The following TENM2 variants were observed in gnomAD, a reference collection of about 807,000 sequenced individuals.
TENM2 encodes teneurin-2.
Under a neutral mutation model 245.2 loss-of-function variants are expected in TENM2, and 52 were observed. That is an observed-to-expected ratio of 0.21 (90% CI 0.17 to 0.27). The LOEUF (loss-of-function observed/expected upper bound fraction) is 0.27. Among genes scored for constraint, TENM2 ranks in the 10% least tolerant of loss-of-function variants. The pLI is 1.00. For synonymous variants in TENM2, 1,363 were observed against 1,438.9 expected (o/e 0.95, Z 1.19); for missense variants, 3,046 against 3,666.8 (o/e 0.83, Z 4.37).
chr5:168,011,147 G>T (rs1785189524), intron 5 of TENM2, among the ~76,000 whole-genome samples: 1 of 152,204 alleles, frequency 6.6e-6, no homozygotes, highest in African/African-American at 2.4e-5. Context: ...TAATGAGGTG[G>T]TCAGGGTCCT....
chr5:167,839,461 T>C (rs1436100324), intron 2 of TENM2, among the ~76,000 whole-genome samples: 1 of 152,106 alleles, frequency 6.6e-6, no homozygotes, highest in Non-Finnish European at 1.5e-5. Context: ...ATCATAGCTT[T>C]TAGAAAAGAA....
intron 9 of TENM2, among the ~76,000 whole-genome samples, chr5:168,103,478 G>A (rs1374970528): frequency 2.0e-5 from 3 of 152,002 alleles, no homozygotes; most frequent in Non-Finnish European, 4.4e-5. Context: ...ACCAGTCTGT[G>A]ACAGTTCCTC....
chr5:167,766,076 G>A (rs1194650513), intron 2 of TENM2, among the ~76,000 whole-genome samples: 1 of 152,100 alleles, frequency 6.6e-6, no homozygotes, highest in African/African-American at 2.4e-5. Flanking sequence ...TATTATAACT[G>A]AATATTTATG....
At chr5:167,025,072 T>C in the TENM2 span, among the ~76,000 whole-genome samples, 3 of 152,180 alleles carry the variant, frequency 2.0e-5, no homozygotes, top group African/African-American at 4.8e-5. Context: ...ACAGGTGATG[T>C]TGAAAAACAT....
At chr5:168,144,008 C>A (rs1301278178) in intron 12 of TENM2, among the ~76,000 whole-genome samples, 1 of 104,702 alleles carries the variant, frequency 9.6e-6, no homozygotes, top group African/African-American at 4.0e-5. Context: ...CACCACCATG[C>A]CCAGCTAATT....
At chr5:168,229,526 T>TAATA (rs1764633744) in intron 25 of TENM2, 1 of 121,956 alleles carries the variant, frequency 8.2e-6, no homozygotes. Context: ...AAGTAAAAAC[T>TAATA]AATAAATAAA....
intron 17 of TENM2, among the ~76,000 whole-genome samples, chr5:168,202,656 G>T (rs1042554705): frequency 2.0e-5 from 3 of 151,684 alleles, no homozygotes; most frequent in Non-Finnish European, 4.4e-5. Flanking sequence ...GCTGGGGCTG[G>T]TCATTTGGCC....
intron 3 of TENM2, among the ~76,000 whole-genome samples, chr5:167,931,564 A>C (rs1778291871): frequency 6.6e-6 from 1 of 151,904 alleles, no homozygotes; most frequent in African/African-American, 2.4e-5. Flanking sequence ...AAAAAAAAAA[A>C]AAAAAAACAA....
intron 1 of TENM2, among the ~76,000 whole-genome samples, chr5:167,364,369 C>T (rs1408408740): frequency 2.0e-5 from 3 of 151,872 alleles, no homozygotes; most frequent in Non-Finnish European, 4.4e-5. Context: ...TATTAACTGA[C>T]AACAATTAGG....
rs1352690157 is a variant in TENM2 at position 167,889,843 on chromosome 5, T to TTTTA, written c.712+13648_712+13649insTTTA. 2.0e-3 allele frequency among the ~76,000 whole-genome samples: 297 copies of TTTTA among 152,244 alleles called. 1 individual carries two copies. In the Middle Eastern group the frequency reaches 0.02, roughly 10 times the overall value. On this transcript the variant is annotated intron_variant, in intron 3 of 28. Coordinates refer to ENST00000518659, the Ensembl canonical transcript of TENM2. ...GTGCCTTCTCGTGAAGACTAAAAAC[T>TTTTA]GGTTAGAATATAAAAGATGGAGGAT...
At chr5:167,839,476 C>T (rs755158240) in intron 2 of TENM2, among the ~76,000 whole-genome samples, 19 of 151,878 alleles carry the variant, frequency 1.3e-4, no homozygotes, top group African/African-American at 2.4e-4. Context: ...AAAGAAAAAA[C>T]GAAGAGGTTA....
intron 6 of TENM2, among the ~76,000 whole-genome samples, chr5:168,049,076 C>T (rs191461020): frequency 6.6e-5 from 10 of 152,268 alleles, no homozygotes; most frequent in Admixed American, 4.6e-4. Flanking sequence ...GGCAATGGTT[C>T]TTAGTCATAG....
chr5:167,381,372 G>A (rs1209677388), intron 2 of TENM2, among the ~76,000 whole-genome samples: 1 of 152,118 alleles, frequency 6.6e-6, no homozygotes, highest in Non-Finnish European at 1.5e-5. Context: ...GGAGTTTAAG[G>A]TGTGGCTAAG....
intron 25 of TENM2, chr5:168,240,934 G>A (rs186531816): frequency 9.5e-4 from 144 of 152,252 alleles, no homozygotes; most frequent in Non-Finnish European, 1.5e-3. Context: ...GTGGCCTTCC[G>A]CAGTTGTCCC....
At chr5:167,274,148 T>G in the TENM2 span, among the ~76,000 whole-genome samples, 1 of 152,264 alleles carries the variant, frequency 6.6e-6, no homozygotes, top group East Asian at 1.9e-4. Context: ...CTATACTGAC[T>G]TCTTACACAC....
At chr5:167,862,009 T>C (rs1366568319) in intron 2 of TENM2, among the ~76,000 whole-genome samples, 1 of 152,254 alleles carries the variant, frequency 6.6e-6, no homozygotes, top group Non-Finnish European at 1.5e-5. Flanking sequence ...TTATGTTATC[T>C]AATTGTTTCC....
chr5:167,024,062 A>G, the TENM2 span, among the ~76,000 whole-genome samples: 13 of 152,320 alleles, frequency 8.5e-5, no homozygotes, highest in African/African-American at 3.1e-4. Flanking sequence ...AGGAAAACAC[A>G]TTTAGATAAA....
At chr5:167,345,322 G>A (rs945057664) in intron 1 of TENM2, among the ~76,000 whole-genome samples, 2 of 152,154 alleles carry the variant, frequency 1.3e-5, no homozygotes, top group Non-Finnish European at 2.9e-5. Flanking sequence ...CCATCAGCTT[G>A]TGGCTGAGCG....
intron 1 of TENM2, among the ~76,000 whole-genome samples, chr5:167,297,870 T>C (rs993466552): frequency 3.9e-5 from 6 of 151,982 alleles, no homozygotes; most frequent in African/African-American, 1.5e-4. Flanking sequence ...TGAGCCAGGA[T>C]GAGCCAGGAG....
Sources: gnomAD v4.1 joint callset for allele counts (sites outside exome capture counted in the v4.1 genomes callset) on GRCh38, gnomAD v4.1.1 for gene constraint, MANE v1.5 for transcripts, NCBI Gene and HGNC (gene_info 2026-07-23, HGNC 2026-07-21) for gene names.